The following STARD13 variants were observed in gnomAD, a reference collection of about 807,000 sequenced individuals.
STARD13 encodes StAR related lipid transfer domain containing 13.
In STARD13, 62 loss-of-function variants were observed where a neutral mutation model predicts 106.4. The observed-to-expected ratio is 0.58, with a 90% CI of 0.48 to 0.72. The LOEUF is 0.72. Ranked by LOEUF, STARD13 falls within the 30% of genes least tolerant of loss-of-function variation. STARD13 has a pLI of 0.00. For synonymous variants in STARD13, 565 were observed against 553.0 expected, an observed-to-expected ratio of 1.02 and a Z score of -0.31; for missense variants, 1,387 against 1,424.0, an observed-to-expected ratio of 0.97 and a Z score of 0.42.
intron 1 of STARD13, among the ~76,000 whole-genome samples, chr13:33,298,121 GTTTTTTTTT>G (rs71071090): frequency 3.9e-5 from 2 of 51,912 alleles, no homozygotes; most frequent in Non-Finnish European, 6.8e-5. Context: ...CCCATCTACA[GTTTTTTTTT>G]TTTTTTTTTT....
the STARD13 span, among the ~76,000 whole-genome samples, chr13:33,482,530 T>C: frequency 3.3e-5 from 5 of 152,218 alleles, no homozygotes; most frequent in African/African-American, 1.2e-4. Context: ...TTTAAAATTT[T>C]CATGCTGTGA....
chr13:33,298,514 C>A (rs940929106), intron 1 of STARD13, among the ~76,000 whole-genome samples: 1 of 152,000 alleles, frequency 6.6e-6, no homozygotes, highest in African/African-American at 2.4e-5. Context: ...TGCCACAAAA[C>A]ACCAAACCAC....
chr13:33,308,520 C>CTTTCTTTTT (rs1893003354), intron 1 of STARD13, among the ~76,000 whole-genome samples: 7 of 88,554 alleles, frequency 7.9e-5, no homozygotes, highest in Non-Finnish European at 1.1e-4. Context: ...CTTTTTCTTT[C>CTTTCTTTTT]TTTTTTTTTT....
chr13:33,338,863 C>T (rs1206605473), intron 1 of STARD13, among the ~76,000 whole-genome samples: 6 of 134,086 alleles, frequency 4.5e-5, no homozygotes, highest in East Asian at 2.1e-4. Flanking sequence ...CCAGCCTGGG[C>T]GACAGAACGA....
chr13:33,107,503 A>T (rs1025882460), intron 12 of STARD13, among the ~76,000 whole-genome samples: 2 of 152,186 alleles, frequency 1.3e-5, no homozygotes, highest in Admixed American at 6.5e-5. Context: ...ATGCTCAAAG[A>T]GAAGTGAACT....
the STARD13 span, among the ~76,000 whole-genome samples, chr13:33,385,144 T>C: frequency 2.8e-5 from 4 of 141,310 alleles, no homozygotes; most frequent in African/African-American, 7.9e-5. Flanking sequence ...TATATATATA[T>C]ATGCATGTCT....
At chr13:33,464,938 A>G in the STARD13 span, among the ~76,000 whole-genome samples, 2 of 152,246 alleles carry the variant, frequency 1.3e-5, no homozygotes, top group Middle Eastern at 3.4e-3. Context: ...AAGTCAAACT[A>G]CAAGTGCCAT....
At chr13:33,169,861 T>A (rs1310769711) in intron 1 of STARD13, among the ~76,000 whole-genome samples, 1 of 152,010 alleles carries the variant, frequency 6.6e-6, no homozygotes. Flanking sequence ...GATAACATGG[T>A]GGAGAAGAAG....
chr13:33,603,315 C>T, the STARD13 span, among the ~76,000 whole-genome samples: 8 of 152,236 alleles, frequency 5.3e-5, no homozygotes, highest in South Asian at 1.0e-3. Context: ...AACCTTCTTC[C>T]TTGGCAATAC....
At chr13:33,579,168 A>G in the STARD13 span, among the ~76,000 whole-genome samples, 2 of 152,108 alleles carry the variant, frequency 1.3e-5, no homozygotes, top group African/African-American at 4.8e-5. Context: ...CTCAAAGGAA[A>G]ATAAATAATT....
At chr13:33,675,670 A>G in the STARD13 span, among the ~76,000 whole-genome samples, 85 of 152,326 alleles carry the variant, frequency 5.6e-4, 1 homozygote, top group Middle Eastern at 0.01. Flanking sequence ...GGGAAGTAAC[A>G]ATTAACTTAG....
chr13:33,262,105 C>A (rs1389074473), intron 1 of STARD13, among the ~76,000 whole-genome samples: 1 of 152,218 alleles, frequency 6.6e-6, no homozygotes, highest in African/African-American at 2.4e-5. Context: ...AAAGCCAAGT[C>A]TTTCACTGGA....
intron 1 of STARD13, among the ~76,000 whole-genome samples, chr13:33,182,499 C>T (rs1330276764): frequency 6.6e-6 from 1 of 152,118 alleles, no homozygotes; most frequent in Non-Finnish European, 1.5e-5. Context: ...ACAGAAGTGT[C>T]CAATCTTTTG....
At chr13:33,127,878 TGTATGTGAGAGAGA>T (rs1877464097) in intron 5 of STARD13, among the ~76,000 whole-genome samples, 3 of 84,126 alleles carry the variant, frequency 3.6e-5, no homozygotes, top group African/African-American at 1.0e-4. Flanking sequence ...TGTGTGTGTG[TGTATGTGAGAGAGA>T]GAGAGAGAGA....
the STARD13 span, chr13:33,524,373 C>A: frequency 1.2e-6 from 1 of 816,480 alleles, no homozygotes; most frequent in Non-Finnish European, 1.6e-6. Context: ...TTATAGAATC[C>A]TGTAAAAAAA....
intron 1 of STARD13, among the ~76,000 whole-genome samples, chr13:33,325,067 A>C (rs2077758456): frequency 6.6e-6 from 1 of 152,112 alleles, no homozygotes; most frequent in Non-Finnish European, 1.5e-5. Flanking sequence ...TATATAAATA[A>C]TCTTTTGAGG....
the STARD13 span, among the ~76,000 whole-genome samples, chr13:33,409,040 C>T: frequency 6.6e-6 from 1 of 151,572 alleles, no homozygotes; most frequent in Non-Finnish European, 1.5e-5. Context: ...CCATGACAGC[C>T]ATCACCTTAA....
At chr13:33,483,003 C>A in the STARD13 span, among the ~76,000 whole-genome samples, 9 of 152,142 alleles carry the variant, frequency 5.9e-5, no homozygotes. Context: ...CACCCTGGAC[C>A]ACCCTCCTGA....
chr13:33,487,107 A>G, the STARD13 span, among the ~76,000 whole-genome samples: 1 of 152,160 alleles, frequency 6.6e-6, no homozygotes, highest in African/African-American at 2.4e-5. Flanking sequence ...AACCTCCCTG[A>G]GCCTTGGTTT....
Sources: allele counts gnomAD v4.1 joint callset (sites outside exome capture counted in the v4.1 genomes callset), GRCh38; gene constraint gnomAD v4.1.1; transcripts MANE v1.5; gene names NCBI Gene and HGNC (gene_info 2026-07-23, HGNC 2026-07-21).